DOCK6: variants seen among roughly 807,000 people sequenced by gnomAD.
DOCK6 encodes the protein dedicator of cytokinesis protein 6.
A neutral mutation model predicts 230.3 loss-of-function variants in DOCK6; 167 were observed. The observed-to-expected ratio is 0.73, with a 90% confidence interval of 0.64 to 0.82. The LOEUF (loss-of-function observed/expected upper bound fraction) is 0.82, where lower values mean the gene tolerates loss of function less well. Among genes scored for constraint, DOCK6 ranks in the 40% least tolerant of loss-of-function variants. The pLI, the probability that DOCK6 is intolerant of heterozygous loss-of-function variation, is 0.00. For missense variants in DOCK6, 2,598 were observed against 2,825.8 expected (o/e 0.92, Z 1.83); for synonymous variants, 1,148 against 1,185.0 (o/e 0.97, Z 0.64).
chr19:11,237,006 C>G, intron 18 of DOCK6, 127 bp from the exon 19 acceptor site: 1 of 941,168 alleles, frequency 1.1e-6, no homozygotes, highest in Non-Finnish European at 1.6e-6. Flanking sequence ...GCCAAGCACC[C>G]TGCCCCCAGC....
In DOCK6 at chr19:11,202,591, C is replaced by T. The variant is rs1014713546; in HGVS notation, c.5354G>A (p.Arg1785Gln). 12 of 1,614,002 alleles carry T rather than the reference C, an allele frequency of 7.4e-6. No individual in the cohort carries two copies. Among genetic ancestry groups the T allele is most frequent in the South Asian group, 4.4e-5 (4 of 91,084 alleles). Residue 1785 changes from arginine to glutamine, a missense_variant, in exon 42 of 48, where the codon CGG becomes CAG. Arg to Gln is a conservative substitution (Grantham distance 43, BLOSUM62 1). Transcript: ENST00000294618. The surrounding 1 kb of genome is among the most constrained non-coding windows in gnomAD (Gnocchi z 5.3). ...SITKLAEISH[R>Q]LEEFYTERFG... ...CCAACCACAAGGACGTGCCTCCAGC[C>T]GGTGTGAGATCTCTGCCAGCTTCGT...
chr19:11,244,620 C>T (rs1295938606), intron 9 of DOCK6, among the ~76,000 whole-genome samples: 2 of 151,956 alleles, frequency 1.3e-5, no homozygotes, highest in African/African-American at 4.8e-5. Flanking sequence ...GCTACTACGT[C>T]CCGCTAATTT....
intron 24 of DOCK6, among the ~76,000 whole-genome samples, chr19:11,224,459 C>T (rs1003112980): frequency 1.3e-5 from 2 of 152,096 alleles, no homozygotes; most frequent in African/African-American, 4.8e-5. Context: ...GATCCGCCCT[C>T]CTCGGCCTCC....
chr19:11,234,014 T>C (rs1239381768), intron 21 of DOCK6, among the ~76,000 whole-genome samples: 2 of 151,904 alleles, frequency 1.3e-5, no homozygotes, highest in African/African-American at 4.8e-5. Context: ...TTTTTTTTTT[T>C]TAATGAGACG....
At chr19:11,242,263 C>T (rs1178099774) in intron 13 of DOCK6, 56 bp from the exon 14 acceptor site, 18 of 1,376,898 alleles carry the variant, frequency 1.3e-5, no homozygotes, top group East Asian at 2.7e-5. Context: ...CTCAGCCCAC[C>T]CTTTCTGGGC....
At chr19:11,232,765 C>T (rs946014221) in intron 22 of DOCK6, among the ~76,000 whole-genome samples, 11 of 150,036 alleles carry the variant, frequency 7.3e-5, no homozygotes, top group Non-Finnish European at 1.6e-4. Flanking sequence ...GTGAATGTGC[C>T]TATGTACCTG....
Position 11,222,389 on chromosome 19 carries a change from T to G in DOCK6, c.3241-141A>C. The G allele has an allele frequency of 6.5e-6, 8 of 1,224,796 alleles. No homozygotes were observed. The highest frequency in any genetic ancestry group is 7.9e-6 in the Non-Finnish European group (7 of 890,092). The allele number at this position is 1,224,796 out of a possible 1,614,324, so 75.9% of individuals were successfully genotyped here. ...AGACTGATGTTAAGTCATCTGGAGG[T>G]GACAGTGGGCATGGGTTTCAAGGCC... On this transcript the variant is annotated intron_variant, in intron 26 of 47. Transcript: ENST00000294618. The surrounding 1 kb of genome is among the most constrained non-coding windows in gnomAD (Gnocchi z 4.0).
At chr19:11,228,873 C>T in intron 23 of DOCK6, 67 bp downstream of exon 23, 1 of 1,527,336 alleles carries the variant, frequency 6.5e-7, no homozygotes, top group Non-Finnish European at 9.0e-7. Flanking sequence ...GGGGGCTTCT[C>T]TCTTTAAAAA....
intron 31 of DOCK6, 153 bp from the exon 32 acceptor site, chr19:11,215,624 A>T (rs2079472971): frequency 7.6e-7 from 1 of 1,313,272 alleles, no homozygotes; most frequent in East Asian, 2.4e-5. Flanking sequence ...CACAGGGGCA[A>T]ACACGAGTGA....
At position 11,200,148 on chromosome 19, in the gene DOCK6, CA is replaced by C. The variant is rs746812913; in HGVS notation, c.6101+159del. ...CCTGGGCAACAGAGGGAGAGTCTCTCAAAAAAAAAAACAAAAAAAAAACCGG... is the reference window on the plus strand; with the variant it reads ...CCTGGGCAACAGAGGGAGAGTCTCTCAAAAAAAAAACAAAAAAAAAACCGG... On this transcript the variant is annotated intron_variant, in intron 47 of 47. Coordinates refer to ENST00000294618, the MANE Select transcript of DOCK6 (RefSeq NM_020812.4). The surrounding 1 kb of genome is among the most constrained non-coding windows in gnomAD (Gnocchi z 4.3). Among the ~76,000 whole-genome samples, 34 of 75,856 alleles carry C rather than the reference CA, an allele frequency of 4.5e-4. 1 individual carries two copies. Among genetic ancestry groups the C allele is most frequent in the African/African-American group, 1.7e-3 (29 of 16,976 alleles). The allele number at this position is 75,856 out of a possible 152,430, so 49.8% of individuals were successfully genotyped here.
chr19:11,214,583 C>T lies in DOCK6; in HGVS notation c.4173G>A (p.Val1391=), dbSNP rs774110650. Residue 1391 remains valine, a synonymous_variant, in exon 33 of 48, where the codon GTG becomes GTA. Transcript: ENST00000294618. ...EGNLATEASL[V]VLDTLEIIVQ... ...CGATGATCTCCAGTGTGTCCAGAAC[C>T]ACTAGGCTTGCCTCGGTTGCCAGGT... The T allele has an allele frequency of 1.9e-6, 3 of 1,613,892 alleles. No individual in the cohort carries two copies. Among genetic ancestry groups the T allele is most frequent in the Non-Finnish European group, 2.5e-6 (3 of 1,179,894 alleles).
At chr19:11,206,157 A>G (rs1383596978) in intron 39 of DOCK6, 1 of 152,148 alleles carries the variant, frequency 6.6e-6, no homozygotes, top group Non-Finnish European at 1.5e-5. Context: ...AACCAGAAAA[A>G]CACACGGAGC....
intron 40 of DOCK6, 36 bp downstream of exon 40, chr19:11,204,164 T>C: frequency 6.5e-7 from 1 of 1,533,924 alleles, no homozygotes; most frequent in Non-Finnish European, 8.8e-7. Context: ...GGAGTGGGGC[T>C]GAGGGTGGGG....
chr19:11,226,497 GA>G (rs2147795894), intron 24 of DOCK6, among the ~76,000 whole-genome samples: 1 of 152,148 alleles, frequency 6.6e-6, no homozygotes, highest in South Asian at 2.1e-4. Context: ...TGTCTCTACT[GA>G]AAATACAAAA....
At chr19:11,240,002 C>T in intron 14 of DOCK6, 1 of 1,549,756 alleles carries the variant, frequency 6.5e-7, no homozygotes. Context: ...TCTAGGGTAA[C>T]CAACCATCCT....
chr19:11,212,353 T>C (rs969389159), intron 35 of DOCK6, among the ~76,000 whole-genome samples: 3 of 152,080 alleles, frequency 2.0e-5, no homozygotes, highest in Non-Finnish European at 4.4e-5. Flanking sequence ...GCAATTCTCC[T>C]GCCTCAGCCT....
chr19:11,250,872 AC>A lies in DOCK6; in HGVS notation c.720+1del. On this transcript the variant is annotated splice_donor_variant, in intron 6 of 47. Transcript: ENST00000294618. LOFTEE classifies it high-confidence loss of function. ...GGCTGATATCTGGGAAGGGGCACCC[AC>A]CTCGTCAGGTGCCGGGTAGAGGGTG... The A allele has an allele frequency of 6.3e-7, 1 of 1,592,680 alleles. No individual in the cohort carries two copies.
rs566375291 is a variant in DOCK6 at position 11,213,612 on chromosome 19, C to CT, written c.4339-285dup. Among the ~76,000 whole-genome samples, 487 of 138,970 alleles carry CT rather than the reference C, an allele frequency of 3.5e-3. 4 individuals are homozygous for CT. The highest frequency in any genetic ancestry group is 0.016 in the South Asian group (71 of 4,306). The allele number at this position is 138,970 out of a possible 152,430, so 91.2% of individuals were successfully genotyped here. Reference sequence around the variant, plus strand: ...CAGTAAGTGCTCAATGAATGAGCTCCTTTTTTTTTTTTTTTTTTGAGACGG... The same window carrying CT: ...CAGTAAGTGCTCAATGAATGAGCTCCTTTTTTTTTTTTTTTTTTTGAGACGG... On this transcript the variant is annotated intron_variant, in intron 34 of 47. Coordinates refer to ENST00000294618, the MANE Select transcript of DOCK6 (RefSeq NM_020812.4).
At chr19:11,237,255 A>G in intron 18 of DOCK6, 1 of 638,034 alleles carries the variant, frequency 1.6e-6, no homozygotes, top group East Asian at 2.7e-5. Context: ...GTGGGAATGG[A>G]GCAGAGAGGC....
Sources: allele counts gnomAD v4.1 joint callset (sites outside exome capture counted in the v4.1 genomes callset), GRCh38; gene constraint gnomAD v4.1.1; non-coding constraint Gnocchi (gnomAD v3.1); transcripts MANE v1.5; gene names NCBI Gene and HGNC (gene_info 2026-07-23, HGNC 2026-07-21).